Variants in CELF2 observed in about 807,000 individuals in gnomAD.
CELF2 encodes CUGBP Elav-like family member 2, also known as CUG triplet repeat RNA-binding protein 2.
Under a neutral mutation model 62.6 loss-of-function variants are expected in CELF2, and 8 were observed. The observed-to-expected ratio is 0.13, with a 90% CI of 0.07 to 0.23. CELF2 has a LOEUF of 0.23. Among genes scored for constraint, CELF2 ranks in the 10% least tolerant of loss-of-function variants. CELF2 has a pLI of 1.00. For missense variants in CELF2, 333 were observed against 671.0 expected, an observed-to-expected ratio of 0.50 and a Z score of 5.56; for synonymous variants, 258 against 250.0, an observed-to-expected ratio of 1.03 and a Z score of -0.30.
chr10:11,165,521 A>T lies in CELF2; in HGVS notation c.110A>T (p.Asp37Val). The change falls in exon 2 of 13, where the codon GAT becomes GTT. Residue 37 changes from aspartate to valine, a missense_variant. Physicochemically the swap from Asp to Val is radical, Grantham distance 152. Around this residue, in one of 3 missense-constraint regions of CELF2, gnomAD observed 253 missense variants for 503.0 expected, o/e 0.50. Coordinates refer to ENST00000633077, the MANE Select transcript of CELF2 (RefSeq NM_001326342.2). The surrounding 1 kb of genome is among the most constrained non-coding windows in gnomAD (Gnocchi z 7.4). ...GCCAACAAGATGAACGGAGCTTTGG[A>T]TCACTCAGACCAACCAGACCCAGAT... ...GTANKMNGAL[D>V]HSDQPDPDAI... is the part of the protein sequence containing the mutation. 1 of 1,613,966 alleles carries T rather than the reference A, an allele frequency of 6.2e-7. No individual in the cohort carries two copies. Among genetic ancestry groups the T allele is most frequent in the Non-Finnish European group, 8.5e-7 (1 of 1,179,964 alleles).
chr10:10,689,823 G>A, the CELF2 span, among the ~76,000 whole-genome samples: 33 of 152,162 alleles, frequency 2.2e-4, no homozygotes, highest in African/African-American at 7.7e-4. Flanking sequence ...AAATATGTAC[G>A]TGTGAACAAA....
At chr10:10,477,859 G>A in the CELF2 span, among the ~76,000 whole-genome samples, 1 of 151,650 alleles carries the variant, frequency 6.6e-6, no homozygotes, top group Non-Finnish European at 1.5e-5. Context: ...TTAAAACAAT[G>A]TAGCATAGGA....
At chr10:10,562,097 C>T in the CELF2 span, among the ~76,000 whole-genome samples, 1 of 152,168 alleles carries the variant, frequency 6.6e-6, no homozygotes, top group Non-Finnish European at 1.5e-5. Context: ...CCTAGAATTC[C>T]CTTGAGAACT....
intron 1 of CELF2, among the ~76,000 whole-genome samples, chr10:10,813,046 A>T (rs1309442537): frequency 6.6e-6 from 1 of 152,228 alleles, no homozygotes; most frequent in Admixed American, 6.5e-5. Context: ...TGATACCATG[A>T]ATCCATCTCC....
At chr10:11,083,961 T>C (rs746948711) in intron 1 of CELF2, among the ~76,000 whole-genome samples, 7 of 152,168 alleles carry the variant, frequency 4.6e-5, no homozygotes, top group Non-Finnish European at 7.3e-5. Flanking sequence ...ATATCAGACA[T>C]GATTTACTGC....
At chr10:10,843,692 C>T (rs532651365) in intron 1 of CELF2, among the ~76,000 whole-genome samples, 2 of 151,996 alleles carry the variant, frequency 1.3e-5, no homozygotes, top group Non-Finnish European at 2.9e-5. Flanking sequence ...GTTGGCCATG[C>T]TGTTCAGATC....
chr10:10,479,150 G>C, the CELF2 span, among the ~76,000 whole-genome samples: 796 of 152,160 alleles, frequency 5.2e-3, 9 homozygotes, highest in African/African-American at 0.018. Context: ...CTTTATTAGA[G>C]ATGGTTCATC....
chr10:10,684,904 C>T, the CELF2 span, among the ~76,000 whole-genome samples: 3 of 152,102 alleles, frequency 2.0e-5, no homozygotes, highest in South Asian at 2.1e-4. Flanking sequence ...TTCACAGCAC[C>T]GGGAGCTAGT....
At chr10:10,670,066 C>T in the CELF2 span, among the ~76,000 whole-genome samples, 1 of 152,056 alleles carries the variant, frequency 6.6e-6, no homozygotes. Flanking sequence ...CCATGCCTGG[C>T]TAATTTTTGT....
chr10:10,986,921 G>A (rs1002407226), intron 2 of CELF2, among the ~76,000 whole-genome samples: 10 of 152,238 alleles, frequency 6.6e-5, no homozygotes, highest in Non-Finnish European at 1.0e-4. Flanking sequence ...TCAGTGGCAG[G>A]AGGAAGGCAC....
intron 1 of CELF2, among the ~76,000 whole-genome samples, chr10:10,828,035 A>G (rs1246032342): frequency 1.3e-5 from 2 of 151,522 alleles, no homozygotes; most frequent in Non-Finnish European, 2.9e-5. Context: ...GCAGAAAATA[A>G]CAAGTTTTGG....
At chr10:10,679,931 C>G in the CELF2 span, among the ~76,000 whole-genome samples, 3 of 152,172 alleles carry the variant, frequency 2.0e-5, no homozygotes, top group Non-Finnish European at 4.4e-5. Context: ...GAATATCTTC[C>G]TCTACAGGGA....
At chr10:11,099,313 T>G (rs1170561973) in intron 1 of CELF2, among the ~76,000 whole-genome samples, 2 of 152,200 alleles carry the variant, frequency 1.3e-5, no homozygotes, top group African/African-American at 2.4e-5. Context: ...GCAGAGAGCT[T>G]ATAACATATA....
intron 2 of CELF2, among the ~76,000 whole-genome samples, chr10:11,174,630 A>G (rs2070320538): frequency 6.6e-6 from 1 of 152,240 alleles, no homozygotes; most frequent in Non-Finnish European, 1.5e-5. Flanking sequence ...TCACCACACT[A>G]TTTAACTGAC....
At chr10:10,942,155 A>G (rs142158737) in intron 2 of CELF2, among the ~76,000 whole-genome samples, 114 of 152,194 alleles carry the variant, frequency 7.5e-4, no homozygotes, top group African/African-American at 2.4e-3. Flanking sequence ...CTACTCTTGG[A>G]TCATGCAAAA....
chr10:10,980,438 G>C (rs1332025607), intron 2 of CELF2, among the ~76,000 whole-genome samples: 1 of 152,158 alleles, frequency 6.6e-6, no homozygotes, highest in Non-Finnish European at 1.5e-5. Flanking sequence ...TATTGTAAGA[G>C]GCAAAAGTCC....
chr10:11,079,504 C>A (rs547148727), intron 1 of CELF2, among the ~76,000 whole-genome samples: 1 of 152,132 alleles, frequency 6.6e-6, no homozygotes, highest in Admixed American at 6.5e-5. Flanking sequence ...AGGGATTTTC[C>A]CCATGCTGTT....
intron 1 of CELF2, among the ~76,000 whole-genome samples, chr10:10,820,940 G>T (rs1390332205): frequency 6.6e-6 from 1 of 152,186 alleles, no homozygotes. Context: ...CATTCTGGGG[G>T]TTATTGTAGA....
At chr10:10,598,551 C>A in the CELF2 span, among the ~76,000 whole-genome samples, 1 of 152,158 alleles carries the variant, frequency 6.6e-6, no homozygotes, top group Admixed American at 6.5e-5. Context: ...CACCTGGCTG[C>A]GGTTACAGAG....
Sources: gnomAD v4.1 joint callset for allele counts (sites outside exome capture counted in the v4.1 genomes callset) on GRCh38, gnomAD v4.1.1 for gene constraint, gnomAD v4.1.1 regional missense constraint, Gnocchi (gnomAD v3.1) non-coding constraint, MANE v1.5 for transcripts, NCBI Gene and HGNC (gene_info 2026-07-23, HGNC 2026-07-21) for gene names.